HERC1: variants seen among roughly 807,000 people sequenced by gnomAD.
The protein encoded by HERC1 is HECT and RLD domain containing E3 ubiquitin protein ligase family member 1, also known as probable E3 ubiquitin-protein ligase HERC1.
Under a neutral mutation model 554.3 loss-of-function variants are expected in HERC1, and 160 were observed. The observed-to-expected ratio is 0.29, with a 90% confidence interval of 0.25 to 0.33. The LOEUF (loss-of-function observed/expected upper bound fraction) is 0.33. Ranked by LOEUF, HERC1 falls within the 10% of genes least tolerant of loss-of-function variation. The pLI is 1.00. For missense variants in HERC1, 4,919 were observed against 5,918.5 expected, an observed-to-expected ratio of 0.83 and a Z score of 5.54; for synonymous variants, 2,175 against 2,131.7, an observed-to-expected ratio of 1.02 and a Z score of -0.56.
intron 12 of HERC1, among the ~76,000 whole-genome samples, chr15:63,742,882 A>G (rs1332125427): frequency 1.3e-5 from 2 of 152,194 alleles, no homozygotes; most frequent in Non-Finnish European, 2.9e-5. Context: ...TTTTACATCT[A>G]TCTTCATAAT....
chr15:63,681,999 T>C (rs920573960), intron 34 of HERC1, among the ~76,000 whole-genome samples: 9 of 152,164 alleles, frequency 5.9e-5, no homozygotes, highest in Non-Finnish European at 1.3e-4. Context: ...TTCTAGTGAA[T>C]CTCTGAATGT....
At position 63,706,967 on chromosome 15, in the gene HERC1, A is replaced by G. The variant is rs879324483; in HGVS notation, c.4585-136T>C. 1.4e-5 allele frequency: 8 copies of G among 575,126 alleles called. No individual in the cohort carries two copies. The South Asian group carries it at 2.1e-4, about 15-fold the overall frequency. 35.6% of individuals were successfully genotyped at this position (575,126 alleles called of 1,614,324 possible). A position where few individuals can be genotyped will look rare whatever the true frequency, so the allele number is the denominator to read the frequency against. On this transcript the variant is annotated intron_variant, in intron 24 of 77. Transcript: ENST00000443617. ...CTTATTCATCATTCAAGTCAAACTAATAACAAAATGTCCCTAAAAACCCAC... is the reference window on the plus strand; with the variant it reads ...CTTATTCATCATTCAAGTCAAACTAGTAACAAAATGTCCCTAAAAACCCAC...
intron 2 of HERC1, among the ~76,000 whole-genome samples, chr15:63,765,581 C>T (rs1461880342): frequency 2.6e-5 from 4 of 152,142 alleles, no homozygotes; most frequent in Non-Finnish European, 4.4e-5. Context: ...ATAAAACCTA[C>T]CTCTCCCACA....
rs776053920 is a variant in HERC1, at chr15:63,713,420, G to T, written c.4396C>A (p.Arg1466=). 1.2e-5 allele frequency: 20 copies of T among 1,613,916 alleles called. No homozygotes were observed. The highest frequency in any genetic ancestry group is 1.6e-5 in the Non-Finnish European group (19 of 1,179,878). ...VSPVIDELQK[R]REEGQLQQPS... is the part of the protein sequence containing the mutation. ...TGCTGCAACTGTCCTTCTTCTCTTC[G>T]CTTCTGAAGCTCATCTATCACAGGA... is the stretch of plus-strand genomic sequence containing the variant. The change falls in exon 23 of 78, where the codon CGA becomes AGA. Residue 1466 remains arginine, a synonymous_variant. Transcript: ENST00000443617.
intron 14 of HERC1, among the ~76,000 whole-genome samples, chr15:63,731,993 G>GGGT (rs201617716): frequency 4.6e-5 from 7 of 152,114 alleles, no homozygotes; most frequent in East Asian, 1.9e-4. Context: ...AGGGTCTGAA[G>GGGT]GGTGGTGGTG....
intron 52 of HERC1, among the ~76,000 whole-genome samples, chr15:63,652,055 C>G (rs2069715294): frequency 6.6e-6 from 1 of 151,722 alleles, no homozygotes; most frequent in South Asian, 2.1e-4. Context: ...AAAAACAAAA[C>G]AAAACAAAAA....
At chr15:63,717,009 T>C (rs1596053801) in intron 21 of HERC1, among the ~76,000 whole-genome samples, 1 of 152,214 alleles carries the variant, frequency 6.6e-6, no homozygotes, top group Non-Finnish European at 1.5e-5. Flanking sequence ...CAGTGGTTTC[T>C]ACCTAGCAGT....
intron 59 of HERC1, 142 bp from the exon 60 acceptor site, chr15:63,641,785 T>C (rs1595877811): frequency 1.6e-6 from 1 of 630,422 alleles, no homozygotes; most frequent in Admixed American, 3.5e-5. Context: ...GCTATGCTTT[T>C]AATGCCTATG....
At chr15:63,627,655 C>T (rs1267862212) in intron 70 of HERC1, among the ~76,000 whole-genome samples, 1 of 130,390 alleles carries the variant, frequency 7.7e-6, no homozygotes, top group South Asian at 2.5e-4. Context: ...GCCTGGGCAA[C>T]AAAGTGAGAC....
intron 2 of HERC1, among the ~76,000 whole-genome samples, chr15:63,773,100 CTAAA>C (rs1330084773): frequency 1.3e-5 from 2 of 152,042 alleles, no homozygotes; most frequent in Admixed American, 6.6e-5. Context: ...GTTATTTTAA[CTAAA>C]TAGATTTGTT....
chr15:63,654,381 T>A, intron 50 of HERC1, 57 bp from the exon 51 acceptor site: 1 of 1,287,904 alleles, frequency 7.8e-7, no homozygotes, highest in Non-Finnish European at 1.1e-6. Flanking sequence ...TAAACCTGCT[T>A]AAACAAAACA....
chr15:63,754,055 T>C (rs886978767), intron 7 of HERC1, among the ~76,000 whole-genome samples: 6 of 151,960 alleles, frequency 3.9e-5, no homozygotes, highest in Non-Finnish European at 8.8e-5. Flanking sequence ...ATGCCTGTAG[T>C]CCCAGCTACT....
At chr15:63,760,409 CCAG>C (rs2142213476) in intron 3 of HERC1, among the ~76,000 whole-genome samples, 1 of 141,806 alleles carries the variant, frequency 7.1e-6, no homozygotes, top group Admixed American at 7.3e-5. Context: ...CCACTGTACT[CCAG>C]CCCGGGCAGC....
At chr15:63,700,157 T>C (rs2072639362) in intron 25 of HERC1, among the ~76,000 whole-genome samples, 1 of 152,162 alleles carries the variant, frequency 6.6e-6, no homozygotes, top group African/African-American at 2.4e-5. Flanking sequence ...GTTTTAGTTG[T>C]CGTTGACTTT....
At chr15:63,638,928 A>C (rs780850114) in intron 61 of HERC1, among the ~76,000 whole-genome samples, 152 bp from the exon 62 acceptor site, 84 of 152,234 alleles carry the variant, frequency 5.5e-4, no homozygotes, top group Non-Finnish European at 9.3e-4. Flanking sequence ...TAATTATGTC[A>C]AACTTGATTT....
intron 69 of HERC1, among the ~76,000 whole-genome samples, chr15:63,629,104 C>A (rs983744072): frequency 6.6e-6 from 1 of 152,054 alleles, no homozygotes; most frequent in Non-Finnish European, 1.5e-5. Context: ...TGCCCGCCAC[C>A]ACACCTGGCT....
In HERC1 at chr15:63,722,907, G is replaced by A. The variant is rs117213271; in HGVS notation, c.3742+275C>T. ...GGAACACATCACCCGCGGATATGGG[G>A]AGACTACTATACTTCAGTAAAATGA... On this transcript the variant is annotated intron_variant, in intron 19 of 77. Transcript: ENST00000443617. 4.6e-3 allele frequency among the ~76,000 whole-genome samples: 706 copies of A among 152,164 alleles called. 2 individuals are homozygous for A. Among genetic ancestry groups the A allele is most frequent in the Non-Finnish European group, 8.1e-3 (550 of 68,000 alleles).
At chr15:63,814,721 G>T (rs574192977) in intron 1 of HERC1, among the ~76,000 whole-genome samples, 25 of 152,052 alleles carry the variant, frequency 1.6e-4, no homozygotes, top group South Asian at 8.3e-4. Flanking sequence ...TGCCCGCCTC[G>T]GCCTCCCAAA....
At chr15:63,632,925 T>C (rs946258739) in intron 67 of HERC1, 114 bp from the exon 68 acceptor site, 1 of 700,806 alleles carries the variant, frequency 1.4e-6, no homozygotes, top group Non-Finnish European at 2.4e-6. Flanking sequence ...AATTGTCACT[T>C]ACCTGTTCGA....
Sources: gnomAD v4.1 joint callset for allele counts (sites outside exome capture counted in the v4.1 genomes callset) on GRCh38, gnomAD v4.1.1 for gene constraint, MANE v1.5 for transcripts, NCBI Gene and HGNC (gene_info 2026-07-23, HGNC 2026-07-21) for gene names.